SEC14L5: variants seen among roughly 807,000 people sequenced by gnomAD.
SEC14L5 encodes the protein SEC14-like protein 5.
Under a neutral mutation model 84.6 loss-of-function variants are expected in SEC14L5, and 96 were observed. The observed-to-expected ratio is 1.13, with a 90% confidence interval of 0.96 to 1.34. The LOEUF (loss-of-function observed/expected upper bound fraction) is 1.34. Ranked by LOEUF, SEC14L5 falls within the 40% of genes most tolerant of loss-of-function variation. The pLI, the probability that SEC14L5 is intolerant of heterozygous loss-of-function variation, is 0.00. For missense variants in SEC14L5, 1,224 were observed against 942.5 expected (o/e 1.30, Z -3.91); for synonymous variants, 546 against 383.4 (o/e 1.42, Z -4.95).
chr16:4,970,713 A>G (rs1033402333), intron 2 of SEC14L5, among the ~76,000 whole-genome samples: 3 of 152,132 alleles, frequency 2.0e-5, no homozygotes, highest in Admixed American at 2.0e-4. Flanking sequence ...TCGTTCTCCC[A>G]GTGCCGGAGA....
chr16:4,996,734 G>C (rs1161878891), intron 7 of SEC14L5, 121 bp from the exon 8 acceptor site: 3 of 771,886 alleles, frequency 3.9e-6, no homozygotes, highest in Non-Finnish European at 6.2e-6. Context: ...ACCACGCCTG[G>C]CTAATTTCTG....
In SEC14L5 at chr16:5,018,765, C is replaced by T. The variant is rs1277605676; in HGVS notation, c.*3795C>T. On this transcript the variant is annotated 3_prime_UTR_variant, in exon 16 of 16. Coordinates refer to ENST00000251170, the MANE Select transcript of SEC14L5 (RefSeq NM_014692.2). ...TTGGCAGTTAGAAAATGTTTTTTCC[C>T]AGAGGTTGAAGTATGGAGAGTTTGA... 6.6e-6 allele frequency: 1 copy of T among 152,132 alleles called. No individual in the cohort carries two copies. The allele number at this position is 152,132 out of a possible 1,614,324, so 9.4% of individuals were successfully genotyped here.
At chr16:5,005,240 G>A in intron 11 of SEC14L5, among the ~76,000 whole-genome samples, 1 of 152,084 alleles carries the variant, frequency 6.6e-6, no homozygotes, top group Non-Finnish European at 1.5e-5. Context: ...ACTTGAACCT[G>A]GGAGGTGCAG....
chr16:5,011,333 C>A (rs530872337), intron 15 of SEC14L5, 60 bp downstream of exon 15: 2 of 1,526,052 alleles, frequency 1.3e-6, no homozygotes, highest in East Asian at 2.3e-5. Flanking sequence ...ATTGACAATG[C>A]AGATGCCTGG....
At chr16:4,988,089 C>G (rs1485062196) in intron 3 of SEC14L5, 60 bp from the exon 4 acceptor site, 1 of 1,595,298 alleles carries the variant, frequency 6.3e-7, no homozygotes, top group African/African-American at 1.3e-5. Flanking sequence ...GACTCGCTCT[C>G]CATTCCTGTG....
intron 2 of SEC14L5, among the ~76,000 whole-genome samples, chr16:4,981,667 T>C (rs892201590): frequency 6.6e-6 from 1 of 151,632 alleles, no homozygotes; most frequent in Non-Finnish European, 1.5e-5. Context: ...TTGGAGGGAG[T>C]GGGGACTGGG....
chr16:4,964,950 C>G (rs548248929), intron 2 of SEC14L5, among the ~76,000 whole-genome samples: 1 of 151,886 alleles, frequency 6.6e-6, no homozygotes, highest in Non-Finnish European at 1.5e-5. Flanking sequence ...AGGCTGGTCT[C>G]GAACTCCTGG....
At chr16:4,970,596 C>G (rs371372008) in intron 2 of SEC14L5, among the ~76,000 whole-genome samples, 1 of 152,200 alleles carries the variant, frequency 6.6e-6, no homozygotes, top group African/African-American at 2.4e-5. Flanking sequence ...TCCGCCCTCC[C>G]GGAGCCATCA....
chr16:4,962,704 A>AAC (rs1568098997), intron 2 of SEC14L5, among the ~76,000 whole-genome samples: 1 of 150,750 alleles, frequency 6.6e-6, no homozygotes, highest in Non-Finnish European at 1.5e-5. Flanking sequence ...AAAAAAAAAA[A>AAC]AAAACTTCCT....
chr16:5,013,003 C>T (rs921179945), intron 15 of SEC14L5, among the ~76,000 whole-genome samples: 1 of 151,862 alleles, frequency 6.6e-6, no homozygotes, highest in South Asian at 2.1e-4. Flanking sequence ...AGGAAACTTA[C>T]TATCATGGCG....
chr16:4,970,527 G>A (rs1284746595), intron 2 of SEC14L5, among the ~76,000 whole-genome samples: 1 of 152,110 alleles, frequency 6.6e-6, no homozygotes, highest in Admixed American at 6.6e-5. Context: ...TCCCCTCTGC[G>A]CAAAATCCTG....
At chr16:4,982,846 C>T (rs1197354114) in intron 2 of SEC14L5, among the ~76,000 whole-genome samples, 3 of 152,160 alleles carry the variant, frequency 2.0e-5, no homozygotes, top group African/African-American at 7.2e-5. Flanking sequence ...TGTACCCAGG[C>T]AGGGCTCGAG....
intron 4 of SEC14L5, among the ~76,000 whole-genome samples, chr16:4,988,511 A>G (rs1334668201): frequency 1.3e-5 from 2 of 152,166 alleles, no homozygotes; most frequent in Non-Finnish European, 2.9e-5. Flanking sequence ...CTCAAATGTT[A>G]TTTGTTGTTT....
intron 2 of SEC14L5, 47 bp downstream of exon 2, chr16:4,959,433 C>G: frequency 1.3e-6 from 2 of 1,486,846 alleles, no homozygotes; most frequent in South Asian, 1.1e-5. Flanking sequence ...GTTGGAGGGG[C>G]TTGAGATCAG....
chr16:4,988,284 A>G lies in SEC14L5; in HGVS notation c.345+4A>G. 1 of 1,613,444 alleles carries G rather than the reference A, an allele frequency of 6.2e-7. No individual in the cohort carries two copies. Among genetic ancestry groups the G allele is most frequent in the Non-Finnish European group, 8.5e-7 (1 of 1,179,672 alleles). On this transcript the variant is annotated splice_donor_region_variant and intron_variant, in intron 4 of 15. Coordinates refer to ENST00000251170, the MANE Select transcript of SEC14L5 (RefSeq NM_014692.2). ...GAACGAGCACTGCAGCTACACGGTG[A>G]GCCCAGGCCACCCTCAGCGCCCACG...
chr16:4,978,840 A>G (rs112881628), intron 2 of SEC14L5, among the ~76,000 whole-genome samples: 1 of 152,112 alleles, frequency 6.6e-6, no homozygotes, highest in Non-Finnish European at 1.5e-5. Context: ...TGACCTCGTG[A>G]TCTGCCCGCC....
At chr16:4,966,367 G>A (rs1955200930) in intron 2 of SEC14L5, among the ~76,000 whole-genome samples, 1 of 143,336 alleles carries the variant, frequency 7.0e-6, no homozygotes, top group Non-Finnish European at 1.5e-5. Context: ...TTCACCTCCC[G>A]GGTTCAAGTG....
In SEC14L5 at chr16:5,010,789, A is replaced by G. The variant is rs75335177; in HGVS notation, c.1801-306A>G. 1.2e-4 allele frequency: 45 copies of G among 365,500 alleles called. No homozygotes were observed. The East Asian group carries it at 1.9e-3, about 15-fold the overall frequency. The allele number at this position is 365,500 out of a possible 1,614,324, so 22.6% of individuals were successfully genotyped here. A position where few individuals can be genotyped will look rare whatever the true frequency, so the allele number is the denominator to read the frequency against. On this transcript the variant is annotated intron_variant, in intron 14 of 15. Coordinates refer to ENST00000251170, the MANE Select transcript of SEC14L5 (RefSeq NM_014692.2). ...CCTTGGTTTGCAAATCCCACTCAGCAGAGCAAAAGCCCCACAAAATCCAGG... is the reference window on the plus strand; with the variant it reads ...CCTTGGTTTGCAAATCCCACTCAGCGGAGCAAAAGCCCCACAAAATCCAGG...
At chr16:4,994,544 A>C (rs1955588112) in intron 6 of SEC14L5, among the ~76,000 whole-genome samples, 1 of 152,008 alleles carries the variant, frequency 6.6e-6, no homozygotes. Flanking sequence ...GGGTTTCACC[A>C]TGTTGGCCAT....
Sources: gnomAD v4.1 joint callset for allele counts (sites outside exome capture counted in the v4.1 genomes callset) on GRCh38, gnomAD v4.1.1 for gene constraint, MANE v1.5 for transcripts, NCBI Gene and HGNC (gene_info 2026-07-23, HGNC 2026-07-21) for gene names.